The following ASCC3 variants were observed in gnomAD, a reference collection of about 807,000 sequenced individuals.
ASCC3 encodes ASC-1 complex subunit P200.
A neutral mutation model predicts 256.3 loss-of-function variants in ASCC3; 158 were observed. The ratio of observed to expected loss-of-function variants is 0.62; its 90% confidence interval spans 0.54 to 0.70. The LOEUF is 0.70. ASCC3 is among the 30% of genes least tolerant of loss of function. The pLI, the probability that ASCC3 is intolerant of heterozygous loss-of-function variation, is 0.00. For synonymous variants in ASCC3, 948 were observed against 883.4 expected (o/e 1.07, Z -1.30); for missense variants, 2,259 against 2,626.0 (o/e 0.86, Z 3.05).
chr6:100,802,742 G>A (rs1769978850), intron 5 of ASCC3, among the ~76,000 whole-genome samples: 1 of 151,982 alleles, frequency 6.6e-6, no homozygotes, highest in Non-Finnish European at 1.5e-5. Context: ...GCTCACACCT[G>A]TAATCTAAAC....
intron 26 of ASCC3, among the ~76,000 whole-genome samples, chr6:100,629,842 C>T (rs900104911): frequency 3.3e-5 from 5 of 151,988 alleles, no homozygotes; most frequent in South Asian, 2.1e-4. Flanking sequence ...TTCCTAATTA[C>T]ATAGGATTAG....
At chr6:100,864,951 G>A (rs950045175) in intron 2 of ASCC3, among the ~76,000 whole-genome samples, 1 of 152,142 alleles carries the variant, frequency 6.6e-6, no homozygotes, top group African/African-American at 2.4e-5. Flanking sequence ...TTGATCCATA[G>A]AGAAAACTCA....
intron 4 of ASCC3, among the ~76,000 whole-genome samples, chr6:100,831,630 C>T (rs959236254): frequency 3.3e-5 from 5 of 152,164 alleles, no homozygotes; most frequent in African/African-American, 1.2e-4. Flanking sequence ...TTCCTGGGGC[C>T]ACAGCTACTA....
intron 36 of ASCC3, among the ~76,000 whole-genome samples, chr6:100,563,929 T>C (rs1262220102): frequency 6.6e-6 from 1 of 152,058 alleles, no homozygotes; most frequent in East Asian, 1.9e-4. Flanking sequence ...TTTTATTTAA[T>C]CCTCCCCTTT....
chr6:100,577,442 G>A (rs983414583), intron 36 of ASCC3, among the ~76,000 whole-genome samples: 2 of 151,960 alleles, frequency 1.3e-5, no homozygotes, highest in African/African-American at 4.8e-5. Flanking sequence ...TCTAACATTC[G>A]AGTAACTCAC....
At chr6:100,647,552 A>C in intron 20 of ASCC3, 101 bp from the exon 21 acceptor site, 2 of 998,524 alleles carry the variant, frequency 2.0e-6, no homozygotes, top group South Asian at 2.7e-5. Flanking sequence ...AGTGCAAGTC[A>C]AGCTGCATCC....
intron 10 of ASCC3, among the ~76,000 whole-genome samples, chr6:100,746,334 G>C (rs924736292): frequency 6.6e-6 from 1 of 151,730 alleles, no homozygotes; most frequent in Non-Finnish European, 1.5e-5. Context: ...ATATGTACTT[G>C]TAATAACTTG....
At chr6:100,514,335 G>C (rs904077975) in intron 39 of ASCC3, among the ~76,000 whole-genome samples, 13 of 152,184 alleles carry the variant, frequency 8.5e-5, no homozygotes, top group African/African-American at 2.6e-4. Context: ...TCTGGAAAAG[G>C]GGTTAAGGGG....
At chr6:100,578,069 G>A (rs960509533) in intron 36 of ASCC3, among the ~76,000 whole-genome samples, 11 of 152,062 alleles carry the variant, frequency 7.2e-5, no homozygotes, top group Non-Finnish European at 1.6e-4. Context: ...GAAACTGTCT[G>A]TTGTCTCCAT....
chr6:100,628,091 C>CAA (rs80131727), intron 27 of ASCC3, 104 bp from the exon 28 acceptor site: 229 of 841,848 alleles, frequency 2.7e-4, no homozygotes, highest in African/African-American at 3.5e-4. Context: ...AAAACAAAAA[C>CAA]AAAAAAAAAA....
intron 37 of ASCC3, among the ~76,000 whole-genome samples, chr6:100,527,415 T>C (rs1417501448): frequency 6.6e-6 from 1 of 152,200 alleles, no homozygotes; most frequent in African/African-American, 2.4e-5. Flanking sequence ...TTCGTACAGG[T>C]ATTGCATTAA....
intron 16 of ASCC3, among the ~76,000 whole-genome samples, chr6:100,658,846 A>G (rs1467038657): frequency 6.6e-6 from 1 of 151,628 alleles, no homozygotes; most frequent in Non-Finnish European, 1.5e-5. Flanking sequence ...TGTAGTATGT[A>G]AAGTGAAAGA....
At chr6:100,516,354 A>G (rs1774029017) in intron 38 of ASCC3, 27 bp from the exon 39 acceptor site, 2 of 1,613,118 alleles carry the variant, frequency 1.2e-6, no homozygotes, top group East Asian at 2.2e-5. Context: ...AACCAACCAA[A>G]TAATTGTTTC....
intron 9 of ASCC3, 43 bp from the exon 10 acceptor site, chr6:100,766,748 C>T: frequency 6.2e-7 from 1 of 1,611,940 alleles, no homozygotes; most frequent in Non-Finnish European, 8.5e-7. Flanking sequence ...GCAAAAACTA[C>T]CATGTCATTT....
At chr6:100,680,868 T>C (rs943093286) in intron 13 of ASCC3, among the ~76,000 whole-genome samples, 4 of 152,180 alleles carry the variant, frequency 2.6e-5, no homozygotes, top group Non-Finnish European at 5.9e-5. Flanking sequence ...TTGCAGGCTA[T>C]ACATTTAGGA....
intron 8 of ASCC3, among the ~76,000 whole-genome samples, chr6:100,786,216 A>C (rs1161147939): frequency 6.6e-6 from 1 of 152,198 alleles, no homozygotes; most frequent in African/African-American, 2.4e-5. Context: ...AACATGTCAG[A>C]TGTCATTCTG....
intron 36 of ASCC3, among the ~76,000 whole-genome samples, chr6:100,544,810 A>C (rs1020963604): frequency 1.3e-5 from 2 of 152,156 alleles, no homozygotes; most frequent in Admixed American, 6.5e-5. Context: ...TTCCCAACTA[A>C]TTTGATGGCA....
At chr6:100,878,475 TA>T (rs545245980) in intron 1 of ASCC3, among the ~76,000 whole-genome samples, 24 of 150,726 alleles carry the variant, frequency 1.6e-4, no homozygotes, top group Non-Finnish European at 3.4e-4. Context: ...GGAAAACAAA[TA>T]AAAAAAAATA....
At chr6:100,784,605 A>G (rs1377988708) in intron 8 of ASCC3, among the ~76,000 whole-genome samples, 1 of 152,094 alleles carries the variant, frequency 6.6e-6, no homozygotes, top group Non-Finnish European at 1.5e-5. Context: ...CTAAAAGAGA[A>G]AAAAAGTATG....
Sources: allele counts gnomAD v4.1 joint callset (sites outside exome capture counted in the v4.1 genomes callset), GRCh38; gene constraint gnomAD v4.1.1; transcripts MANE v1.5; gene names NCBI Gene and HGNC (gene_info 2026-07-23, HGNC 2026-07-21).